The following TRIO variants were observed in gnomAD, a reference collection of about 807,000 sequenced individuals.
TRIO encodes the protein trio Rho guanine nucleotide exchange factor, also known as triple functional domain protein.
In TRIO, 58 loss-of-function variants were observed where a neutral mutation model predicts 351.9. The ratio of observed to expected loss-of-function variants is 0.16; its 90% CI spans 0.13 to 0.21. The LOEUF is 0.21. TRIO is among the 10% of genes least tolerant of loss of function. The pLI, the probability that TRIO is intolerant of heterozygous loss-of-function variation, is 1.00. For missense variants in TRIO, 3,201 were observed against 4,027.8 expected (o/e 0.79, Z 5.56); for synonymous variants, 1,758 against 1,595.7 (o/e 1.10, Z -2.42).
At position 14,270,812 on chromosome 5, in the gene TRIO, T is replaced by G; in HGVS notation, c.158-13T>G. On this transcript the variant is annotated splice_polypyrimidine_tract_variant and intron_variant, in intron 1 of 56. Transcript: ENST00000344204. ...GCAACCCAGTAATTTTATTTTCTCC[T>G]TCTGTATTTCAGGGTTTCGAAAAAA... 1 of 1,611,588 alleles carries G rather than the reference T, an allele frequency of 6.2e-7. No individual in the cohort carries two copies. Among genetic ancestry groups the G allele is most frequent in the Non-Finnish European group, 8.5e-7 (1 of 1,178,020 alleles).
intron 19 of TRIO, among the ~76,000 whole-genome samples, chr5:14,375,609 T>C (rs1477023564): frequency 2.6e-5 from 4 of 152,202 alleles, no homozygotes; most frequent in Non-Finnish European, 5.9e-5. Flanking sequence ...GTAAGAGTAA[T>C]GGTGGCAGAA....
intron 10 of TRIO, among the ~76,000 whole-genome samples, chr5:14,331,377 C>CT (rs1740893264): frequency 6.6e-6 from 1 of 152,076 alleles, no homozygotes; most frequent in African/African-American, 2.4e-5. Flanking sequence ...CTTAACCTTT[C>CT]TAAGGTTAAC....
chr5:14,310,127 C>G (rs1177457176), intron 8 of TRIO, among the ~76,000 whole-genome samples: 1 of 152,228 alleles, frequency 6.6e-6, no homozygotes, highest in Non-Finnish European at 1.5e-5. Context: ...CAGTTGATCA[C>G]AAGAGAGTGA....
Position 14,471,425 on chromosome 5 carries a change from T to C in TRIO, c.5871T>C (p.Asp1957=). 1 of 1,614,118 alleles carries C rather than the reference T, an allele frequency of 6.2e-7. No individual in the cohort carries two copies. ...NSLLSSSSPI[D]EMEERKSSSL... is the part of the protein sequence containing the mutation. ...TTCTCTCTTCCTCCTCGCCCATTGATGAGATGGAAGAAAGGAAATCCAGCT... is the reference window on the plus strand; with the variant it reads ...TTCTCTCTTCCTCCTCGCCCATTGACGAGATGGAAGAAAGGAAATCCAGCT... Residue 1957 remains aspartate (D), a synonymous_variant, in exon 38 of 57, where the codon GAT becomes GAC. Transcript: ENST00000344204.
chr5:14,461,255 T>C lies in TRIO; in HGVS notation c.5440T>C (p.Ser1814Pro). The change falls in exon 35 of 57, where the codon TCG (serine) becomes CCG (proline). Residue 1814 changes from serine to proline, a missense_variant. Ser to Pro is a moderately conservative substitution (Grantham distance 74). Coordinates refer to ENST00000344204, the MANE Select transcript of TRIO (RefSeq NM_007118.4). ...GGTCCGCAAGAGCGCCGACGCCGGC[T>C]CGCAGAAGGACTCCGACGACAGTGC... ...REVRKSADAG[S>P]QKDSDDSAAT... 1 of 1,595,570 alleles carries C rather than the reference T, an allele frequency of 6.3e-7. No individual in the cohort carries two copies. Among genetic ancestry groups the C allele is most frequent in the Non-Finnish European group, 8.5e-7 (1 of 1,172,660 alleles).
intron 34 of TRIO, among the ~76,000 whole-genome samples, chr5:14,431,004 G>T (rs971276772): frequency 3.3e-5 from 5 of 152,298 alleles, no homozygotes; most frequent in African/African-American, 1.2e-4. Flanking sequence ...GAGCCACTGC[G>T]CCTGGCCTGA....
chr5:14,479,316 A>C lies in TRIO; in HGVS notation c.6209A>C (p.His2070Pro). Reference protein sequence around the residue: ...AYCQNKPKSEHIVSEYIDTFF... With the variant: ...AYCQNKPKSEPIVSEYIDTFF... ...TGTCAAAATAAACCAAAGTCTGAGC[A>C]CATTGTCTCAGAATACATTGATACC... Residue 2070 changes from histidine (H) to proline (P), a missense_variant, in exon 42 of 57, where the codon CAC (histidine) becomes CCC (proline). This residue lies in a region of TRIO where 307 missense variants were observed against 396.5 expected (regional missense o/e 0.77). Coordinates refer to ENST00000344204, the MANE Select transcript of TRIO (RefSeq NM_007118.4). 1 of 1,613,922 alleles carries C rather than the reference A, an allele frequency of 6.2e-7. No individual in the cohort carries two copies. The highest frequency in any genetic ancestry group is 8.5e-7 in the Non-Finnish European group (1 of 1,179,926).
At chr5:14,492,261 G>A in intron 48 of TRIO, 1 of 402,498 alleles carries the variant, frequency 2.5e-6, no homozygotes, top group Non-Finnish European at 4.5e-6. Context: ...GGACTAAGAT[G>A]TTCCCGTGAG....
chr5:14,186,933 A>G (rs1186564034), intron 1 of TRIO, among the ~76,000 whole-genome samples: 2 of 152,208 alleles, frequency 1.3e-5, no homozygotes, highest in Admixed American at 6.5e-5. Flanking sequence ...TGATTTTGTC[A>G]TGCTAGTGTG....
At chr5:14,152,515 G>A (rs1182234680) in intron 1 of TRIO, among the ~76,000 whole-genome samples, 1 of 152,082 alleles carries the variant, frequency 6.6e-6, no homozygotes, top group East Asian at 1.9e-4. Context: ...GATTACAGGC[G>A]CCCGCCACCA....
At chr5:14,276,012 A>G (rs549509463) in intron 2 of TRIO, among the ~76,000 whole-genome samples, 2 of 148,580 alleles carry the variant, frequency 1.3e-5, no homozygotes, top group Admixed American at 6.8e-5. Flanking sequence ...GTGTATATAT[A>G]TAGTTAATTC....
At chr5:14,259,042 G>A (rs887220845) in intron 1 of TRIO, among the ~76,000 whole-genome samples, 4 of 152,164 alleles carry the variant, frequency 2.6e-5, no homozygotes, top group African/African-American at 9.7e-5. Context: ...TGAGCTGGTC[G>A]TTTCCTCAAG....
At chr5:14,167,328 C>T (rs1353491849) in intron 1 of TRIO, among the ~76,000 whole-genome samples, 1 of 151,874 alleles carries the variant, frequency 6.6e-6, no homozygotes, top group Admixed American at 6.6e-5. Context: ...CCAGGTCTTG[C>T]CCTGTCTCCC....
At chr5:14,382,360 C>T (rs888930687) in intron 21 of TRIO, among the ~76,000 whole-genome samples, 10 of 152,174 alleles carry the variant, frequency 6.6e-5, no homozygotes, top group African/African-American at 2.4e-4. Flanking sequence ...TCTTCTTTGC[C>T]ACTCTCTGCT....
In TRIO at chr5:14,487,646, C is replaced by G; in HGVS notation, c.7018C>G (p.Arg2340Gly). Residue 2340 changes from arginine to glycine, a missense_variant, in exon 48 of 57, where the codon CGG becomes GGG. By Grantham distance (125) the Arg-to-Gly change is moderately radical (BLOSUM62 -2). This residue lies in a region of TRIO where 1,089 missense variants were observed against 954.9 expected (regional missense o/e 1.14). Coordinates refer to ENST00000344204, the MANE Select transcript of TRIO (RefSeq NM_007118.4). ...CAGCACGAGCAGGAGCCGGCCCTCC[C>G]GGATCCCCCAGCCTGTCCGACACCA... ...APSTSRSRPSRIPQPVRHHPP... is the reference protein window; with the variant it reads ...APSTSRSRPSGIPQPVRHHPP... 1 of 1,271,502 alleles carries G rather than the reference C, an allele frequency of 7.9e-7. No individual in the cohort carries two copies. The allele number at this position is 1,271,502 out of a possible 1,614,324, so 78.8% of individuals were successfully genotyped here. A position where few individuals can be genotyped will look rare whatever the true frequency, so the allele number is the denominator to read the frequency against.
intron 24 of TRIO, among the ~76,000 whole-genome samples, 199 bp from the exon 25 acceptor site, chr5:14,389,090 A>T (rs1435082405): frequency 6.6e-6 from 1 of 152,222 alleles, no homozygotes; most frequent in East Asian, 1.9e-4. Flanking sequence ...AGAGTTGAAA[A>T]GTATAGGAAC....
chr5:14,464,298 TACTC>T (rs923143212), intron 36 of TRIO, among the ~76,000 whole-genome samples: 8 of 152,224 alleles, frequency 5.3e-5, no homozygotes, highest in African/African-American at 1.4e-4. Context: ...CTTGTTGACT[TACTC>T]ACCCATAAGG....
intron 9 of TRIO, among the ~76,000 whole-genome samples, chr5:14,319,531 A>G (rs1247488231): frequency 6.6e-6 from 1 of 152,234 alleles, no homozygotes; most frequent in Non-Finnish European, 1.5e-5. Flanking sequence ...CGTTACCAGC[A>G]GAAGATAAAT....
Position 14,148,658 on chromosome 5 carries a change from A to G in TRIO, c.157+4776A>G, listed in dbSNP as rs180951629. Among the ~76,000 whole-genome samples the G allele has an allele frequency of 9.2e-4, 140 of 152,268 alleles. 1 individual carries two copies. Among genetic ancestry groups the G allele is most frequent in the Non-Finnish European group, 1.2e-3 (82 of 68,022 alleles). ...GCGCCACTGGCAGGAAATAGTAGCGACTCCCTGGACAGTGAAGACTTGGAT... is the reference window on the plus strand; with the variant it reads ...GCGCCACTGGCAGGAAATAGTAGCGGCTCCCTGGACAGTGAAGACTTGGAT... On this transcript the variant is annotated intron_variant, in intron 1 of 56. Coordinates refer to ENST00000344204, the MANE Select transcript of TRIO (RefSeq NM_007118.4).
Sources: allele counts gnomAD v4.1 joint callset (sites outside exome capture counted in the v4.1 genomes callset), GRCh38; gene constraint gnomAD v4.1.1; regional missense constraint gnomAD v4.1.1; transcripts MANE v1.5; gene names NCBI Gene and HGNC (gene_info 2026-07-23, HGNC 2026-07-21).